Variants in GRIK3 observed in about 807,000 individuals in gnomAD.
GRIK3 encodes the protein glutamate ionotropic receptor kainate type subunit 3, also known as glutamate receptor ionotropic, kainate 3.
In GRIK3, 29 loss-of-function variants were observed where a neutral mutation model predicts 102.5. The observed-to-expected ratio is 0.28, with a 90% CI of 0.21 to 0.39. The LOEUF is 0.39. Among genes scored for constraint, GRIK3 ranks in the 10% least tolerant of loss-of-function variants. The probability of loss-of-function intolerance (pLI) is 1.00; values close to 1 mark genes in which losing one functional copy is unlikely to be tolerated. For missense variants in GRIK3, 908 were observed against 1,252.4 expected (o/e 0.73, Z 4.15); for synonymous variants, 511 against 504.9 (o/e 1.01, Z -0.16).
chr1:36,959,277 C>A (rs968952170), intron 1 of GRIK3, among the ~76,000 whole-genome samples: 1 of 121,896 alleles, frequency 8.2e-6, no homozygotes, highest in African/African-American at 2.9e-5. Flanking sequence ...GCCCCGTGAG[C>A]CTGTGCCTGT....
chr1:36,995,765 C>G (rs1346391307), intron 1 of GRIK3, among the ~76,000 whole-genome samples: 1 of 152,194 alleles, frequency 6.6e-6, no homozygotes, highest in African/African-American at 2.4e-5. Context: ...AGATCCCCGT[C>G]TCAGGCCATG....
chr1:37,017,402 GA>G, intron 1 of GRIK3, among the ~76,000 whole-genome samples: 1 of 115,542 alleles, frequency 8.7e-6, no homozygotes, highest in East Asian at 2.5e-4. Flanking sequence ...AAAAGAAGAA[GA>G]AAAAAAGGTG....
chr1:36,941,788 T>C (rs575063681), intron 1 of GRIK3, among the ~76,000 whole-genome samples: 3 of 152,338 alleles, frequency 2.0e-5, no homozygotes, highest in South Asian at 2.1e-4. Context: ...GATGCATCCA[T>C]TGATTTGCTC....
At chr1:36,817,833 G>A (rs1309690803) in intron 12 of GRIK3, among the ~76,000 whole-genome samples, 7 of 152,116 alleles carry the variant, frequency 4.6e-5, no homozygotes, top group East Asian at 1.9e-4. Flanking sequence ...GTGCTGCAAC[G>A]ATATAATTTG....
At chr1:36,913,293 G>C (rs1641366833) in intron 1 of GRIK3, among the ~76,000 whole-genome samples, 1 of 152,170 alleles carries the variant, frequency 6.6e-6, no homozygotes, top group African/African-American at 2.4e-5. Flanking sequence ...CCCACCCACA[G>C]ACCTGCCCTG....
chr1:36,920,207 T>C (rs1390032271), intron 1 of GRIK3, among the ~76,000 whole-genome samples: 1 of 152,228 alleles, frequency 6.6e-6, no homozygotes, highest in Admixed American at 6.5e-5. Context: ...GACCAGAGTC[T>C]AGTGACCTGG....
At chr1:36,988,839 C>T (rs1197965686) in intron 1 of GRIK3, among the ~76,000 whole-genome samples, 1 of 152,164 alleles carries the variant, frequency 6.6e-6, no homozygotes, top group Non-Finnish European at 1.5e-5. Flanking sequence ...ATTAGCCCTT[C>T]CCAGCTGCGG....
rs1362411947 is a variant in GRIK3, at chr1:36,850,091, T to G, written c.1326+220A>C. 1 of 541,712 alleles carries G rather than the reference T, an allele frequency of 1.8e-6. No homozygotes were observed. Among genetic ancestry groups the G allele is most frequent in the African/African-American group, 1.9e-5 (1 of 52,382 alleles). The allele number at this position is 541,712 out of a possible 1,614,324, so 33.6% of individuals were successfully genotyped here. On this transcript the variant is annotated intron_variant, in intron 9 of 15. Coordinates refer to ENST00000373091, the MANE Select transcript of GRIK3 (RefSeq NM_000831.4). This position sits in a 1 kb window ranked among gnomAD's most constrained non-coding sequence, Gnocchi z 4.0. ...AGACATCAAGGACTTGGGGAGTGAGTGGGAGTGAGACACAAAAACGCAGCG... is the reference window on the plus strand; with the variant it reads ...AGACATCAAGGACTTGGGGAGTGAGGGGGAGTGAGACACAAAAACGCAGCG...
chr1:36,903,809 G>A (rs576065078), intron 1 of GRIK3, among the ~76,000 whole-genome samples: 37 of 152,336 alleles, frequency 2.4e-4, no homozygotes, highest in Non-Finnish European at 4.6e-4. Flanking sequence ...TCCAGCGGGT[G>A]GAGGAGGGAG....
At chr1:36,831,528 G>A (rs1036184841) in intron 10 of GRIK3, among the ~76,000 whole-genome samples, 9 of 152,144 alleles carry the variant, frequency 5.9e-5, no homozygotes, top group Non-Finnish European at 8.8e-5. Flanking sequence ...GAATCTATCC[G>A]TATCCATGGT....
chr1:36,898,675 T>C (rs2124280293), intron 1 of GRIK3, among the ~76,000 whole-genome samples: 1 of 152,196 alleles, frequency 6.6e-6, no homozygotes, highest in Admixed American at 6.5e-5. Flanking sequence ...CCCAATGACA[T>C]TTTTTTGCAG....
chr1:36,988,998 A>G (rs906728396), intron 1 of GRIK3, among the ~76,000 whole-genome samples: 2 of 152,088 alleles, frequency 1.3e-5, no homozygotes, highest in South Asian at 2.1e-4. Context: ...ACTACATCCT[A>G]AAACTGAAGC....
intron 1 of GRIK3, among the ~76,000 whole-genome samples, chr1:36,900,930 T>C (rs1297030525): frequency 6.6e-6 from 1 of 152,180 alleles, no homozygotes. Flanking sequence ...TAACTCTATG[T>C]CCACTAATTT....
Position 36,799,095 on chromosome 1 carries a change from T to C in GRIK3, c.*2756A>G, listed in dbSNP as rs1253348213. ...AATGATTGTGTTTGCTGACAGCAAATTGGCAAATACCTTCATTAGAATCCT... is the reference window on the plus strand; with the variant it reads ...AATGATTGTGTTTGCTGACAGCAAACTGGCAAATACCTTCATTAGAATCCT... On this transcript the variant is annotated 3_prime_UTR_variant, in exon 16 of 16. Transcript: ENST00000373091. 1 of 152,172 alleles carries C rather than the reference T, an allele frequency of 6.6e-6. No individual in the cohort carries two copies. The highest frequency in any genetic ancestry group is 1.5e-5 in the Non-Finnish European group (1 of 68,024). The allele number at this position is 152,172 out of a possible 1,614,324, so 9.4% of individuals were successfully genotyped here.
Position 36,891,055 on chromosome 1 carries a change from T to G in GRIK3, c.157A>C (p.Met53Leu). Residue 53 changes from methionine (M) to leucine (L), a missense_variant, in exon 2 of 16, where the codon ATG (methionine) becomes CTG (leucine). Met to Leu is a conservative substitution (Grantham distance 15). Coordinates refer to ENST00000373091, the MANE Select transcript of GRIK3 (RefSeq NM_000831.4). ...CGAAAGGCATGCTCCTCGGCATTCA[T>G]GACCTGGGCGTTGGGGCCGTCCGCA... The part of the protein sequence containing the change: ...EYADGPNAQV[M>L]NAEEHAFRFS... 1 of 1,613,996 alleles carries G rather than the reference T, an allele frequency of 6.2e-7. No homozygotes were observed. Among genetic ancestry groups the G allele is most frequent in the Non-Finnish European group, 8.5e-7 (1 of 1,179,904 alleles).
At chr1:36,902,643 T>C (rs1197542055) in intron 1 of GRIK3, among the ~76,000 whole-genome samples, 1 of 152,174 alleles carries the variant, frequency 6.6e-6, no homozygotes, top group Non-Finnish European at 1.5e-5. Flanking sequence ...GGTTTGGCAA[T>C]GGCTTTTTAG....
chr1:36,927,102 C>T (rs1641535454), intron 1 of GRIK3, among the ~76,000 whole-genome samples: 1 of 152,176 alleles, frequency 6.6e-6, no homozygotes, highest in African/African-American at 2.4e-5. Context: ...CGTCAAAGAG[C>T]ATCTGCTTAA....
chr1:36,815,249 C>G (rs1162617344), intron 13 of GRIK3, among the ~76,000 whole-genome samples: 1 of 152,238 alleles, frequency 6.6e-6, no homozygotes, highest in Non-Finnish European at 1.5e-5. Flanking sequence ...AGCTCCTTTC[C>G]TCACTCACTG....
chr1:36,933,530 C>T (rs937293563), intron 1 of GRIK3, among the ~76,000 whole-genome samples: 1 of 152,096 alleles, frequency 6.6e-6, no homozygotes, highest in South Asian at 2.1e-4. Context: ...TCTGCTTTTC[C>T]TATTATTTTC....
Sources: allele counts gnomAD v4.1 joint callset (sites outside exome capture counted in the v4.1 genomes callset), GRCh38; gene constraint gnomAD v4.1.1; non-coding constraint Gnocchi (gnomAD v3.1); transcripts MANE v1.5; gene names NCBI Gene and HGNC (gene_info 2026-07-23, HGNC 2026-07-21).